CSMD1: variants seen among roughly 807,000 people sequenced by gnomAD.
CSMD1 encodes the protein CUB and Sushi multiple domains 1, also known as CUB and sushi domain-containing protein 1.
A neutral mutation model predicts 417.5 loss-of-function variants in CSMD1; 213 were observed. The ratio of observed to expected loss-of-function variants is 0.51; its 90% CI spans 0.46 to 0.57. CSMD1 has a LOEUF of 0.57. Among genes scored for constraint, CSMD1 ranks in the 20% least tolerant of loss-of-function variants. The pLI is 0.00. For synonymous variants in CSMD1, 2,862 were observed against 1,736.8 expected, an observed-to-expected ratio of 1.65 and a Z score of -16.11; for missense variants, 6,923 against 4,529.7, an observed-to-expected ratio of 1.53 and a Z score of -15.17.
chr8:3,947,839 C>T (rs1424404815), intron 5 of CSMD1, among the ~76,000 whole-genome samples: 1 of 152,134 alleles, frequency 6.6e-6, no homozygotes, highest in African/African-American at 2.4e-5. Context: ...CATTTGTTAA[C>T]AGGGCTAACA....
chr8:3,110,158 C>G lies in CSMD1; in HGVS notation c.6608G>C (p.Trp2203Ser). 1 of 1,599,238 alleles carries G rather than the reference C, an allele frequency of 6.3e-7. No homozygotes were observed. Among genetic ancestry groups the G allele is most frequent in the Non-Finnish European group, 8.5e-7 (1 of 1,172,210 alleles). Residue 2203 changes from tryptophan to serine, a missense_variant and splice_region_variant, in exon 43 of 70, where the codon TGG becomes TCG. By Grantham distance (177) the Trp-to-Ser change is radical. Coordinates refer to ENST00000635120, the MANE Select transcript of CSMD1 (RefSeq NM_033225.6). ...ATTTTGACTTGAGAGGTTCTCATAC[C>G]AAACAGCAATGTAATCGTTGACAGC... ...TEAVNDYIAV[W>S]DGPDQNSPQL... is the part of the protein sequence containing the mutation.
At chr8:4,063,188 T>C (rs1799070378) in intron 3 of CSMD1, among the ~76,000 whole-genome samples, 2 of 152,300 alleles carry the variant, frequency 1.3e-5, no homozygotes, top group South Asian at 4.1e-4. Flanking sequence ...ATGGATATCA[T>C]AATTATCCTG....
At chr8:3,225,960 C>T (rs369454123) in intron 27 of CSMD1, among the ~76,000 whole-genome samples, 1 of 152,226 alleles carries the variant, frequency 6.6e-6, no homozygotes, top group South Asian at 2.1e-4. Flanking sequence ...TTTCGACCCA[C>T]CAACCCTTTT....
At chr8:3,308,016 C>G (rs564275365) in intron 24 of CSMD1, among the ~76,000 whole-genome samples, 195 bp from the exon 25 acceptor site, 8 of 152,128 alleles carry the variant, frequency 5.3e-5, no homozygotes, top group South Asian at 2.1e-4. Flanking sequence ...ATCCTCCATG[C>G]AATTAAAGTT....
At chr8:3,819,302 G>C (rs1210710329) in intron 5 of CSMD1, among the ~76,000 whole-genome samples, 3 of 152,068 alleles carry the variant, frequency 2.0e-5, no homozygotes, top group Admixed American at 1.3e-4. Flanking sequence ...TAAGTCACAG[G>C]AAGCTATGAA....
chr8:3,614,224 T>C (rs976961513), intron 8 of CSMD1, among the ~76,000 whole-genome samples: 4 of 152,136 alleles, frequency 2.6e-5, no homozygotes, highest in African/African-American at 9.7e-5. Context: ...AACATAGTGA[T>C]TTCCCAAAAA....
chr8:4,645,913 C>G (rs1226360106), intron 1 of CSMD1, among the ~76,000 whole-genome samples: 2 of 152,148 alleles, frequency 1.3e-5, no homozygotes, highest in Admixed American at 1.3e-4. Context: ...ATGAGGATTT[C>G]AAGGCCATGT....
chr8:4,607,337 G>C (rs771130496), intron 2 of CSMD1, among the ~76,000 whole-genome samples: 12 of 152,144 alleles, frequency 7.9e-5, no homozygotes, highest in Non-Finnish European at 1.6e-4. Context: ...GTTAGGGAGT[G>C]CGGGGGACGG....
intron 54 of CSMD1, among the ~76,000 whole-genome samples, chr8:2,986,117 T>C (rs1248445650): frequency 1.3e-5 from 2 of 152,116 alleles, no homozygotes; most frequent in South Asian, 4.1e-4. Context: ...TTTTGGCTTT[T>C]AGGTGTGATA....
At chr8:3,954,706 C>T (rs1177309057) in intron 5 of CSMD1, among the ~76,000 whole-genome samples, 1 of 152,254 alleles carries the variant, frequency 6.6e-6, no homozygotes. Flanking sequence ...CATGATTCTT[C>T]CCTTAGGGCA....
chr8:3,813,833 G>T (rs1392164234), intron 5 of CSMD1, among the ~76,000 whole-genome samples: 1 of 152,130 alleles, frequency 6.6e-6, no homozygotes, highest in Non-Finnish European at 1.5e-5. Context: ...CTTCTTGAAA[G>T]CTTCGAAGTT....
intron 3 of CSMD1, among the ~76,000 whole-genome samples, chr8:4,243,509 A>G (rs1453043402): frequency 6.6e-6 from 1 of 152,204 alleles, no homozygotes; most frequent in Non-Finnish European, 1.5e-5. Flanking sequence ...AATTTTAAAC[A>G]GCAGGCTTAT....
chr8:3,248,358 C>T (rs530135658), intron 26 of CSMD1, among the ~76,000 whole-genome samples: 1 of 151,964 alleles, frequency 6.6e-6, no homozygotes, highest in South Asian at 2.1e-4. Flanking sequence ...TTAAAATATC[C>T]CAATTTGAAT....
intron 1 of CSMD1, among the ~76,000 whole-genome samples, chr8:4,820,344 G>C (rs550319955): frequency 6.6e-6 from 1 of 152,300 alleles, no homozygotes; most frequent in East Asian, 1.9e-4. Context: ...TTATAAAAAG[G>C]TAAGAATGAC....
intron 5 of CSMD1, among the ~76,000 whole-genome samples, chr8:3,825,248 G>A (rs926482149): frequency 6.6e-6 from 1 of 152,152 alleles, no homozygotes; most frequent in South Asian, 2.1e-4. Context: ...GCCCTTGAGA[G>A]GCCGGGTGTG....
At chr8:4,326,914 G>T (rs536207886) in intron 3 of CSMD1, among the ~76,000 whole-genome samples, 2 of 152,126 alleles carry the variant, frequency 1.3e-5, no homozygotes, top group African/African-American at 4.8e-5. Context: ...GGAAAAGTAA[G>T]TTAGGAGCCA....
intron 1 of CSMD1, among the ~76,000 whole-genome samples, chr8:4,939,190 G>A (rs989140497): frequency 1.3e-5 from 2 of 152,094 alleles, no homozygotes; most frequent in Non-Finnish European, 2.9e-5. Context: ...GAAAATCCAC[G>A]TACACTGTTG....
intron 1 of CSMD1, among the ~76,000 whole-genome samples, chr8:4,954,960 T>G (rs901420350): frequency 1.3e-5 from 2 of 152,206 alleles, no homozygotes; most frequent in Non-Finnish European, 2.9e-5. Flanking sequence ...CACTTTTATC[T>G]TTTAGAATGT....
chr8:4,179,577 T>A (rs140559484), intron 3 of CSMD1, among the ~76,000 whole-genome samples: 1 of 151,090 alleles, frequency 6.6e-6, no homozygotes, highest in African/African-American at 2.4e-5. Flanking sequence ...AATTGACAAA[T>A]GGAATCTAAT....
Sources: gnomAD v4.1 joint callset for allele counts (sites outside exome capture counted in the v4.1 genomes callset) on GRCh38, gnomAD v4.1.1 for gene constraint, MANE v1.5 for transcripts, NCBI Gene and HGNC (gene_info 2026-07-23, HGNC 2026-07-21) for gene names.